The following NBAS variants were observed in gnomAD, a reference collection of about 807,000 sequenced individuals.
NBAS encodes the protein NBAS subunit of NRZ tethering complex.
In NBAS, 219 loss-of-function variants were observed where a neutral mutation model predicts 302.5. The ratio of observed to expected loss-of-function variants is 0.72; its 90% CI spans 0.65 to 0.81. The LOEUF (loss-of-function observed/expected upper bound fraction) is 0.81, where lower values mean the gene tolerates loss of function less well. NBAS is among the 30% of genes least tolerant of loss of function. The pLI, the probability that NBAS is intolerant of heterozygous loss-of-function variation, is 0.00. For missense variants in NBAS, 2,932 were observed against 2,841.6 expected (o/e 1.03, Z -0.72); for synonymous variants, 1,118 against 1,021.6 (o/e 1.09, Z -1.80).
chr2:14,892,749 G>A, the NBAS span, among the ~76,000 whole-genome samples: 1 of 151,080 alleles, frequency 6.6e-6, no homozygotes, highest in Non-Finnish European at 1.5e-5. Context: ...GTATCAAATC[G>A]TCTTTGTATT....
downstream of NBAS, among the ~76,000 whole-genome samples, chr2:15,162,069 A>C (rs773651421): frequency 1.3e-5 from 2 of 152,104 alleles, no homozygotes; most frequent in Non-Finnish European, 2.9e-5. Flanking sequence ...AACAGCAGAG[A>C]GGTGTGGACA....
intron 28 of NBAS, among the ~76,000 whole-genome samples, chr2:15,387,881 C>T (rs1675389644): frequency 6.6e-6 from 1 of 152,164 alleles, no homozygotes; most frequent in African/African-American, 2.4e-5. Context: ...GCGGTCTGCC[C>T]GCCTCCGCCT....
At chr2:14,888,465 T>A in the NBAS span, among the ~76,000 whole-genome samples, 2 of 151,496 alleles carry the variant, frequency 1.3e-5, no homozygotes, top group African/African-American at 4.8e-5. Flanking sequence ...CTTTTTTTTT[T>A]ATTGACCATA....
At chr2:15,144,048 A>ATATAT in the NBAS span, among the ~76,000 whole-genome samples, 2 of 113,824 alleles carry the variant, frequency 1.8e-5, no homozygotes, top group African/African-American at 7.6e-5. Flanking sequence ...TATATATAAA[A>ATATAT]ATATATATAT....
chr2:15,124,639 C>T, the NBAS span, among the ~76,000 whole-genome samples: 7 of 152,216 alleles, frequency 4.6e-5, no homozygotes, highest in South Asian at 2.1e-4. Flanking sequence ...GCCCAGGGCC[C>T]GTTCTCCTGC....
the NBAS span, among the ~76,000 whole-genome samples, chr2:14,989,969 G>A: frequency 6.6e-6 from 1 of 152,098 alleles, no homozygotes; most frequent in Non-Finnish European, 1.5e-5. Flanking sequence ...AAAACACTGT[G>A]TGCATAAAGC....
At chr2:15,517,329 A>C (rs561327324) in intron 9 of NBAS, among the ~76,000 whole-genome samples, 1 of 152,296 alleles carries the variant, frequency 6.6e-6, no homozygotes, top group African/African-American at 2.4e-5. Flanking sequence ...AAATATTTCA[A>C]ATATTTAAAA....
the NBAS span, among the ~76,000 whole-genome samples, chr2:15,070,250 A>G: frequency 6.6e-6 from 1 of 152,162 alleles, no homozygotes; most frequent in Non-Finnish European, 1.5e-5. Flanking sequence ...CTGTTTCTTC[A>G]GATGTCTAAT....
intron 44 of NBAS, among the ~76,000 whole-genome samples, chr2:15,247,670 C>T (rs1168450598): frequency 1.3e-5 from 2 of 151,294 alleles, no homozygotes; most frequent in East Asian, 3.9e-4. Context: ...GCTACTCTCT[C>T]TCTCTCTCTC....
At chr2:15,218,265 T>C (rs1270351879) in intron 48 of NBAS, among the ~76,000 whole-genome samples, 1 of 152,184 alleles carries the variant, frequency 6.6e-6, no homozygotes, top group Non-Finnish European at 1.5e-5. Flanking sequence ...CTACCATGCA[T>C]ATGCATGTTC....
chr2:15,207,993 G>A (rs1666225570), intron 48 of NBAS, among the ~76,000 whole-genome samples: 1 of 151,632 alleles, frequency 6.6e-6, no homozygotes, highest in Non-Finnish European at 1.5e-5. Flanking sequence ...TATAACAGTT[G>A]TAAATATATA....
At chr2:15,002,681 C>T in the NBAS span, among the ~76,000 whole-genome samples, 12 of 152,196 alleles carry the variant, frequency 7.9e-5, no homozygotes, top group African/African-American at 2.2e-4. Context: ...CCCTGCCCGG[C>T]GGGAAGGCAG....
chr2:15,164,253 C>T (rs1663962273), downstream of NBAS, among the ~76,000 whole-genome samples: 1 of 152,186 alleles, frequency 6.6e-6, no homozygotes, highest in Non-Finnish European at 1.5e-5. Context: ...GGAAATAGAG[C>T]AGAGTGTGTC....
At chr2:15,249,145 CG>C (rs531202446) in intron 44 of NBAS, among the ~76,000 whole-genome samples, 1 of 152,186 alleles carries the variant, frequency 6.6e-6, no homozygotes, top group Admixed American at 6.5e-5. Context: ...CCCGGGGATG[CG>C]AGGCTGGTTC....
chr2:15,223,539 T>G (rs965583441), intron 47 of NBAS, among the ~76,000 whole-genome samples: 1 of 152,192 alleles, frequency 6.6e-6, no homozygotes, highest in Admixed American at 6.5e-5. Flanking sequence ...CTTATTTACT[T>G]CATTATAAGG....
chr2:15,094,020 G>A, the NBAS span, among the ~76,000 whole-genome samples: 3 of 152,318 alleles, frequency 2.0e-5, no homozygotes, highest in African/African-American at 7.2e-5. Flanking sequence ...CAGAAAGTGA[G>A]TTGTATTCAT....
At chr2:15,095,460 G>C in the NBAS span, among the ~76,000 whole-genome samples, 1 of 152,130 alleles carries the variant, frequency 6.6e-6, no homozygotes, top group African/African-American at 2.4e-5. Context: ...ACTACCACGA[G>C]AACAGTATGG....
chr2:15,518,918 T>A (rs1662533648), intron 9 of NBAS, among the ~76,000 whole-genome samples: 1 of 152,016 alleles, frequency 6.6e-6, no homozygotes, highest in Non-Finnish European at 1.5e-5. Flanking sequence ...GAGAAGAACA[T>A]GGGAAAGACT....
chr2:14,966,780 A>G, the NBAS span, among the ~76,000 whole-genome samples: 1 of 152,200 alleles, frequency 6.6e-6, no homozygotes, highest in Admixed American at 6.5e-5. Context: ...ATTCAGTATC[A>G]TATCAGAAGT....
Sources: allele counts gnomAD v4.1 joint callset (sites outside exome capture counted in the v4.1 genomes callset), GRCh38; gene constraint gnomAD v4.1.1; transcripts MANE v1.5; gene names NCBI Gene and HGNC (gene_info 2026-07-23, HGNC 2026-07-21).